GCC2: variants seen among roughly 807,000 people sequenced by gnomAD.
The protein encoded by GCC2 is GRIP and coiled-coil domain containing 2.
In GCC2, 120 loss-of-function variants were observed where a neutral mutation model predicts 210.6. That is an observed-to-expected ratio of 0.57 (90% CI 0.49 to 0.66). The LOEUF is 0.66. Among genes scored for constraint, GCC2 ranks in the 30% least tolerant of loss-of-function variants. The pLI is 0.00. For synonymous variants in GCC2, 703 were observed against 652.7 expected (o/e 1.08, Z -1.17); for missense variants, 1,868 against 1,871.9 (o/e 1.00, Z 0.04).
chr2:108,457,371 T>C (rs1436145769), intron 4 of GCC2, among the ~76,000 whole-genome samples: 1 of 152,220 alleles, frequency 6.6e-6, no homozygotes, highest in South Asian at 2.1e-4. Context: ...ACCAATACTT[T>C]GTTGCTTTGG....
chr2:108,504,029 T>C (rs912445098), intron 22 of GCC2, among the ~76,000 whole-genome samples: 4 of 152,142 alleles, frequency 2.6e-5, no homozygotes, highest in Non-Finnish European at 1.5e-5. Flanking sequence ...GATTGTTTGT[T>C]ATAAGGAGTT....
chr2:108,471,018 C>A lies in GCC2; in HGVS notation c.1689C>A (p.Asn563Lys). 6.2e-7 allele frequency: 1 copy of A among 1,611,056 alleles called. No homozygotes were observed. Among genetic ancestry groups the A allele is most frequent in the African/African-American group, 1.3e-5 (1 of 74,836 alleles). Residue 563 changes from asparagine to lysine, a missense_variant, in exon 6 of 23, where the codon AAC becomes AAA. Asn to Lys is a moderately conservative substitution (Grantham distance 94, BLOSUM62 0). This residue lies in a region of GCC2 where 1,847 missense variants were observed against 1,765.2 expected (regional missense o/e 1.05). Coordinates refer to ENST00000309863, the MANE Select transcript of GCC2 (RefSeq NM_181453.4). ...LVPELENTIK[N>K]LQEKNGVYLL... ...CAGAACTTGAAAATACCATAAAGAA[C>A]CTTCAAGAAAAGAATGGAGTATACT... is the stretch of plus-strand genomic sequence containing the variant.
chr2:108,497,989 A>G (rs1353060021), intron 21 of GCC2, among the ~76,000 whole-genome samples: 1 of 152,092 alleles, frequency 6.6e-6, no homozygotes, highest in Non-Finnish European at 1.5e-5. Context: ...GCCACTAGCT[A>G]TCCTTGTCAG....
At chr2:108,459,282 C>T (rs1250884154) in intron 4 of GCC2, among the ~76,000 whole-genome samples, 1 of 152,046 alleles carries the variant, frequency 6.6e-6, no homozygotes, top group Non-Finnish European at 1.5e-5. Context: ...TCATGTATTT[C>T]TGTCACTTCC....
intron 19 of GCC2, chr2:108,493,510 C>T (rs1404238374): frequency 7.0e-5 from 69 of 986,188 alleles, no homozygotes; most frequent in South Asian, 9.4e-5. Flanking sequence ...AACACTCAAG[C>T]GGCACTGAAT....
Position 108,469,902 on chromosome 2 carries a change from G to A in GCC2, c.573G>A (p.Arg191=). 2 of 1,613,422 alleles carry A rather than the reference G, an allele frequency of 1.2e-6. No homozygotes were observed. Among genetic ancestry groups the A allele is most frequent in the Non-Finnish European group, 1.7e-6 (2 of 1,179,702 alleles). Reference sequence around the variant, plus strand: ...TACAAGAAGAGATTGAGAAAATTAGGCCAGGCTTTGAGGAGCAAATTTTAT... The same window carrying A: ...TACAAGAAGAGATTGAGAAAATTAGACCAGGCTTTGAGGAGCAAATTTTAT... ...KKLQEEIEKI[R]PGFEEQILYL... The change falls in exon 6 of 23, where the codon AGG becomes AGA. Residue 191 remains arginine (R), a synonymous_variant. Coordinates refer to ENST00000309863, the MANE Select transcript of GCC2 (RefSeq NM_181453.4).
At position 108,465,698 on chromosome 2, in the gene GCC2, T is replaced by G. The variant is rs1311696544; in HGVS notation, c.217-3282T>G. 5.9e-5 allele frequency among the ~76,000 whole-genome samples: 9 copies of G among 152,340 alleles called. No homozygotes were observed. The East Asian group carries it at 1.7e-3, about 29-fold the overall frequency. On this transcript the variant is annotated intron_variant, in intron 4 of 22. Transcript: ENST00000309863. ...CATTCCTTTTTATGGCTGAGTAGTATTCTATAAGTCATTTTGGATTGCTGG... is the reference window on the plus strand; with the variant it reads ...CATTCCTTTTTATGGCTGAGTAGTAGTCTATAAGTCATTTTGGATTGCTGG...
At chr2:108,493,488 A>G (rs1682504482) in intron 19 of GCC2, 9 of 986,866 alleles carry the variant, frequency 9.1e-6, no homozygotes, top group Non-Finnish European at 1.1e-5. Context: ...TAGATAGAGC[A>G]AGGAACTTAG....
intron 4 of GCC2, among the ~76,000 whole-genome samples, chr2:108,460,926 C>G (rs1192706457): frequency 6.6e-6 from 1 of 152,158 alleles, no homozygotes; most frequent in South Asian, 2.1e-4. Flanking sequence ...CCTCCTGCTC[C>G]GACCCTGTAA....
chr2:108,474,471 C>G (rs1055062610), intron 7 of GCC2, among the ~76,000 whole-genome samples: 10 of 152,144 alleles, frequency 6.6e-5, no homozygotes, highest in African/African-American at 2.4e-4. Flanking sequence ...GTGTCCATGA[C>G]ATGCTGGAAC....
intron 1 of GCC2, 158 bp downstream of exon 1, chr2:108,449,438 G>T (rs1275930761): frequency 1.1e-5 from 15 of 1,379,908 alleles, no homozygotes; most frequent in Non-Finnish European, 1.5e-5. Flanking sequence ...CTATCCCTGG[G>T]GGTTACCTGC....
intron 5 of GCC2, chr2:108,469,368 T>G (rs1681065555): frequency 4.7e-6 from 2 of 428,170 alleles, no homozygotes; most frequent in Non-Finnish European, 8.2e-6. Context: ...AATACCATTA[T>G]CTCTTTAGTT....
rs1394396750 is a variant in GCC2, at chr2:108,471,354, T to G, written c.2025T>G (p.Val675=). The G allele has an allele frequency of 6.2e-7, 1 of 1,610,936 alleles. No individual in the cohort carries two copies. Among genetic ancestry groups the G allele is most frequent in the East Asian group, 2.2e-5 (1 of 44,784 alleles). Reference sequence around the variant, plus strand: ...AAAAACTTATGGTTCAAATGAAAGTTCTCTCTGAAGACAAAGAAGTATTGT... The same window carrying G: ...AAAAACTTATGGTTCAAATGAAAGTGCTCTCTGAAGACAAAGAAGTATTGT... ...KLEKLMVQMK[V]LSEDKEVLSA... Residue 675 remains valine, a synonymous_variant, in exon 6 of 23, where the codon GTT becomes GTG. Transcript: ENST00000309863.
chr2:108,484,113 A>G (rs1160026163), intron 12 of GCC2, 36 bp from the exon 13 acceptor site: 3 of 1,439,030 alleles, frequency 2.1e-6, no homozygotes, highest in East Asian at 4.7e-5. Flanking sequence ...GAACTGATCT[A>G]CTATTGTGTA....
chr2:108,498,934 G>GGGAACATCTTGGT lies in GCC2; in HGVS notation c.4783-618_4783-606dup, dbSNP rs1471910989. On this transcript the variant is annotated intron_variant, in intron 21 of 22. Coordinates refer to ENST00000309863, the MANE Select transcript of GCC2 (RefSeq NM_181453.4). Reference sequence around the variant, plus strand: ...GTTTCTATCGAAAGTAGAAGGCAGAGGGAACATCTTGGTACCAACCCATGG... The same window carrying GGGAACATCTTGGT: ...GTTTCTATCGAAAGTAGAAGGCAGAGGGAACATCTTGGTGGAACATCTTGGTACCAACCCATGG... Among the ~76,000 whole-genome samples, 7 of 150,970 alleles carry GGGAACATCTTGGT rather than the reference G, an allele frequency of 4.6e-5. No homozygotes were observed. The East Asian group carries it at 1.4e-3, about 30-fold the overall frequency.
At chr2:108,451,647 G>T (rs1679951544) in intron 3 of GCC2, among the ~76,000 whole-genome samples, 1 of 151,718 alleles carries the variant, frequency 6.6e-6, no homozygotes, top group South Asian at 2.1e-4. Flanking sequence ...TGAATTTCCA[G>T]TGACTTATAA....
chr2:108,469,624 TTTATGTGTGCTTATTTTTTGTAATAGGA>T lies in GCC2; in HGVS notation c.322-24_325del. ...GGCTCCTTTTGTCTTACTTAAATAA[TTTATGTGTGCTTATTTTTTGTAATAGGA>T]TTCTGTAACAAAGATGGGAGATGCA... On this transcript the variant is annotated splice_acceptor_variant and splice_polypyrimidine_tract_variant and coding_sequence_variant and intron_variant, in exon 6 of 23. Coordinates refer to ENST00000309863, the MANE Select transcript of GCC2 (RefSeq NM_181453.4). LOFTEE classifies it high-confidence loss of function. 1 of 1,518,428 alleles carries T rather than the reference TTTATGTGTGCTTATTTTTTGTAATAGGA, an allele frequency of 6.6e-7. No homozygotes were observed. Among genetic ancestry groups the T allele is most frequent in the Non-Finnish European group, 8.9e-7 (1 of 1,126,020 alleles). The allele number at this position is 1,518,428 out of a possible 1,614,324, so 94.1% of individuals were successfully genotyped here.
chr2:108,501,576 G>A (rs766755556), intron 22 of GCC2, among the ~76,000 whole-genome samples: 5 of 151,982 alleles, frequency 3.3e-5, no homozygotes, highest in Admixed American at 6.6e-5. Context: ...TCTAGTTGGT[G>A]TTCTTTAACA....
intron 13 of GCC2, among the ~76,000 whole-genome samples, chr2:108,485,113 C>T (rs1418002230): frequency 1.3e-5 from 2 of 149,818 alleles, no homozygotes; most frequent in East Asian, 2.0e-4. Flanking sequence ...TAGGTGGGAA[C>T]TGAACAGTGA....
Sources: allele counts gnomAD v4.1 joint callset (sites outside exome capture counted in the v4.1 genomes callset), GRCh38; gene constraint gnomAD v4.1.1; regional missense constraint gnomAD v4.1.1; transcripts MANE v1.5; gene names NCBI Gene and HGNC (gene_info 2026-07-23, HGNC 2026-07-21).